Variants in NPHP4 observed in about 807,000 individuals in gnomAD.
NPHP4 encodes the protein nephrocystin 4.
Under a neutral mutation model 155.8 loss-of-function variants are expected in NPHP4, and 151 were observed. That is an observed-to-expected ratio of 0.97 (90% CI 0.85 to 1.11). NPHP4 has a LOEUF of 1.11. NPHP4 is among the 50% of genes least tolerant of loss of function. The pLI, the probability that NPHP4 is intolerant of heterozygous loss-of-function variation, is 0.00. For synonymous variants in NPHP4, 845 were observed against 816.8 expected (o/e 1.03, Z -0.59); for missense variants, 1,956 against 1,925.7 (o/e 1.02, Z -0.29).
At chr1:5,888,224 G>C (rs906147030) in intron 17 of NPHP4, 5 of 611,682 alleles carry the variant, frequency 8.2e-6, no homozygotes, top group Non-Finnish European at 1.0e-5. Context: ...CTGCTGATCA[G>C]ATTCCACGGC....
At chr1:5,975,386 C>T (rs1181068925) in intron 3 of NPHP4, among the ~76,000 whole-genome samples, 1 of 152,216 alleles carries the variant, frequency 6.6e-6, no homozygotes, top group Admixed American at 6.5e-5. Context: ...ATAGCAGCTG[C>T]AGACAGCAGG....
At chr1:5,891,310 CAAA>C (rs1644113603) in intron 16 of NPHP4, among the ~76,000 whole-genome samples, 4 of 152,212 alleles carry the variant, frequency 2.6e-5, no homozygotes, top group Non-Finnish European at 4.4e-5. Flanking sequence ...TGGATGGGAA[CAAA>C]TGTCCTTATG....
At chr1:5,967,109 G>A (rs1651665238) in intron 5 of NPHP4, among the ~76,000 whole-genome samples, 190 bp downstream of exon 5, 1 of 152,226 alleles carries the variant, frequency 6.6e-6, no homozygotes, top group African/African-American at 2.4e-5. Context: ...CCTCAGGGCT[G>A]GTGTGTTTCA....
intron 23 of NPHP4, among the ~76,000 whole-genome samples, chr1:5,868,962 C>A (rs537033993): frequency 6.9e-6 from 1 of 145,398 alleles, no homozygotes; most frequent in African/African-American, 2.5e-5. Context: ...ACACAATGCA[C>A]ACACACATGC....
chr1:5,902,832 T>C (rs1414114586), intron 16 of NPHP4, among the ~76,000 whole-genome samples: 9 of 152,222 alleles, frequency 5.9e-5, no homozygotes, highest in African/African-American at 2.4e-5. Flanking sequence ...GAGGTCTTCA[T>C]TGACTCATGG....
intron 6 of NPHP4, among the ~76,000 whole-genome samples, chr1:5,960,152 G>A (rs1282494285): frequency 1.3e-5 from 2 of 152,182 alleles, no homozygotes; most frequent in Admixed American, 6.5e-5. Context: ...TCAGAGGATT[G>A]CAGGCAGATT....
At chr1:5,946,046 T>C (rs1647077653) in intron 9 of NPHP4, among the ~76,000 whole-genome samples, 1 of 152,244 alleles carries the variant, frequency 6.6e-6, no homozygotes, top group Non-Finnish European at 1.5e-5. Context: ...TTTATTGTTA[T>C]TGTTGTTAAA....
rs1319083601 is a variant in NPHP4, at chr1:5,875,063, A to AG, written c.2854dup (p.Leu952ProfsTer41). 6.2e-7 allele frequency: 1 copy of AG among 1,607,202 alleles called. No homozygotes were observed. Among genetic ancestry groups the AG allele is most frequent in the East Asian group, 2.2e-5 (1 of 44,874 alleles). On this transcript the variant is annotated frameshift_variant, in exon 21 of 30. Transcript: ENST00000378156. LOFTEE classifies it high-confidence loss of function. ...TTCCCGGTAGGCGGCGATGACCTGT[A>AG]GGTCCCGCAAGTGCTGTGTGCGGAC...
intron 27 of NPHP4, 121 bp downstream of exon 27, chr1:5,864,981 C>T (rs998005042): frequency 3.1e-5 from 30 of 965,132 alleles, no homozygotes; most frequent in South Asian, 2.3e-4. Context: ...AGCGTCTGCG[C>T]GCTGGAGGCG....
At chr1:5,870,213 T>G (rs139837151) in intron 23 of NPHP4, among the ~76,000 whole-genome samples, 2 of 152,210 alleles carry the variant, frequency 1.3e-5, no homozygotes, top group African/African-American at 4.8e-5. Context: ...TGCTGGGCAG[T>G]AAGGAAAGAC....
intron 6 of NPHP4, 93 bp from the exon 7 acceptor site, chr1:5,952,929 G>A: frequency 8.0e-7 from 1 of 1,254,046 alleles, no homozygotes. Context: ...GCCTCAGCCG[G>A]GGCCTGCAGC....
Position 5,868,654 on chromosome 1 carries a change from G to A in NPHP4, c.3316-758C>T, listed in dbSNP as rs182941046. Among the ~76,000 whole-genome samples the A allele has an allele frequency of 1.7e-3, 238 of 138,516 alleles. 1 individual carries two copies. The highest frequency in any genetic ancestry group is 5.8e-3 in the African/African-American group (212 of 36,470). 90.9% of individuals were successfully genotyped at this position (138,516 alleles called of 152,430 possible). A position where few individuals can be genotyped will look rare whatever the true frequency, so the allele number is the denominator to read the frequency against. ...AACATGCACCCATGCATGCACACAC[G>A]CATCCAGCCACAAATGCACACACAT... On this transcript the variant is annotated intron_variant, in intron 23 of 29. Coordinates refer to ENST00000378156, the MANE Select transcript of NPHP4 (RefSeq NM_015102.5).
At chr1:5,909,641 C>A (rs1375867664) in intron 11 of NPHP4, among the ~76,000 whole-genome samples, 2 of 152,166 alleles carry the variant, frequency 1.3e-5, no homozygotes, top group Admixed American at 6.5e-5. Context: ...GCAGACACTG[C>A]CAACCTGGCT....
At chr1:5,971,775 C>T (rs1001092855) in intron 3 of NPHP4, among the ~76,000 whole-genome samples, 1 of 150,966 alleles carries the variant, frequency 6.6e-6, no homozygotes, top group African/African-American at 2.5e-5. Context: ...ACATTCTCTA[C>T]ATCAACTGAA....
chr1:5,903,423 T>A (rs764893281), intron 16 of NPHP4, among the ~76,000 whole-genome samples: 11 of 152,190 alleles, frequency 7.2e-5, no homozygotes, highest in African/African-American at 2.4e-4. Context: ...CATTTTAACA[T>A]CACTTTTCCC....
Position 5,889,611 on chromosome 1 carries a change from G to A in NPHP4, c.2304+1257C>T, listed in dbSNP as rs1013603828. ...GGGACCCGGCTCTGCCTCCCACACC[G>A]CCTGCCTCCTTTACGCCTCCCCACC... On this transcript the variant is annotated intron_variant, in intron 17 of 29. Coordinates refer to ENST00000378156, the MANE Select transcript of NPHP4 (RefSeq NM_015102.5). This position sits in a 1 kb window ranked among gnomAD's most constrained non-coding sequence, Gnocchi z 4.2. 2.4e-4 allele frequency among the ~76,000 whole-genome samples: 37 copies of A among 152,080 alleles called. No homozygotes were observed. Among genetic ancestry groups the A allele is most frequent in the Non-Finnish European group, 8.8e-5 (6 of 67,990 alleles).
intron 8 of NPHP4, 34 bp downstream of exon 8, chr1:5,948,036 C>G: frequency 6.4e-7 from 1 of 1,554,474 alleles, no homozygotes; most frequent in Non-Finnish European, 8.9e-7. Flanking sequence ...CCTTGCACAT[C>G]CCCACCCATC....
chr1:5,969,354 C>T (rs983777510), intron 3 of NPHP4, 95 bp from the exon 4 acceptor site: 38 of 699,660 alleles, frequency 5.4e-5, no homozygotes, highest in African/African-American at 3.4e-4. Flanking sequence ...CCTTCCTACA[C>T]GTGCCACAGC....
Position 5,874,613 on chromosome 1 carries a change from G to C in NPHP4, c.3089C>G (p.Ala1030Gly), listed in dbSNP as rs774683576. ...SQEWRDFKGA[A>G]GLHTPVEEDM... is the part of the protein sequence containing the mutation. The stretch of plus-strand genomic sequence containing the variant: ...CTCCTCCACCGGTGTGTGCAGGCCA[G>C]CAGCACCCTTGAAGTCCCTCCACTC... Residue 1030 changes from alanine to glycine, a missense_variant, in exon 22 of 30, where the codon GCT becomes GGT. By Grantham distance (60) the Ala-to-Gly change is moderately conservative. Transcript: ENST00000378156. 1.8e-5 allele frequency: 29 copies of C among 1,612,094 alleles called. No individual in the cohort carries two copies. Among genetic ancestry groups the C allele is most frequent in the Non-Finnish European group, 2.3e-5 (27 of 1,179,526 alleles).
Sources: gnomAD v4.1 joint callset for allele counts (sites outside exome capture counted in the v4.1 genomes callset) on GRCh38, gnomAD v4.1.1 for gene constraint, Gnocchi (gnomAD v3.1) non-coding constraint, MANE v1.5 for transcripts, NCBI Gene and HGNC (gene_info 2026-07-23, HGNC 2026-07-21) for gene names.